The following ACSBG2 variants were observed in gnomAD, a reference collection of about 807,000 sequenced individuals.
The protein encoded by ACSBG2 is long-chain-fatty-acid--CoA ligase ACSBG2.
Under a neutral mutation model 74.7 loss-of-function variants are expected in ACSBG2, and 62 were observed. That is an observed-to-expected ratio of 0.83 (90% CI 0.68 to 1.03). The LOEUF is 1.03. Ranked by LOEUF, ACSBG2 falls within the 50% of genes least tolerant of loss-of-function variation. ACSBG2 has a pLI of 0.00. For missense variants in ACSBG2, 730 were observed against 817.6 expected, an observed-to-expected ratio of 0.89 and a Z score of 1.31; for synonymous variants, 309 against 294.1, an observed-to-expected ratio of 1.05 and a Z score of -0.52.
chr19:6,154,556 G>C (rs2089356172), intron 4 of ACSBG2, among the ~76,000 whole-genome samples: 1 of 150,412 alleles, frequency 6.6e-6, no homozygotes, highest in South Asian at 2.1e-4. Flanking sequence ...CTGTTGCCCA[G>C]GCTGCAGTGC....
In ACSBG2 at chr19:6,149,709, T is replaced by A. The variant is rs12979145; in HGVS notation, c.298-1998T>A. Among the ~76,000 whole-genome samples, 3 of 152,044 alleles carry A rather than the reference T, an allele frequency of 2.0e-5. No individual in the cohort carries two copies. In the East Asian group the frequency reaches 5.8e-4, roughly 29 times the overall value. On this transcript the variant is annotated intron_variant, in intron 3 of 14. Coordinates refer to ENST00000588485, the MANE Select transcript of ACSBG2 (RefSeq NM_030924.5). ...ATTTAGTAGAGACGGGGTTTCATCT[T>A]GTGGGCCAGGCTGGTCTCGAACTTC...
At chr19:6,189,470 C>T (rs893267330) in intron 13 of ACSBG2, among the ~76,000 whole-genome samples, 1 of 151,920 alleles carries the variant, frequency 6.6e-6, no homozygotes, top group African/African-American at 2.4e-5. Flanking sequence ...CAATGAACAA[C>T]CTGGGTTCAA....
chr19:6,156,787 T>G (rs866623668), intron 5 of ACSBG2, among the ~76,000 whole-genome samples: 6,002 of 113,602 alleles, frequency 0.053, 328 homozygotes, highest in African/African-American at 0.26. Context: ...TCAGCCTCCA[T>G]TTTTTTTTTT....
chr19:6,182,940 G>A lies in ACSBG2; in HGVS notation c.1088+8G>A, dbSNP rs775627451. The A allele has an allele frequency of 8.1e-6, 13 of 1,613,800 alleles. No homozygotes were observed. The highest frequency in any genetic ancestry group is 1.1e-5 in the South Asian group (1 of 91,050). On this transcript the variant is annotated splice_region_variant and intron_variant, in intron 9 of 14. Coordinates refer to ENST00000588485, the MANE Select transcript of ACSBG2 (RefSeq NM_030924.5). ...CTCAAAAAAGATGTTGGGGTAGGTG[G>A]AGCATCCAGAGGGCTGGGAGGGTAG...
intron 4 of ACSBG2, among the ~76,000 whole-genome samples, chr19:6,153,413 T>C (rs1020249487): frequency 2.6e-5 from 4 of 152,196 alleles, no homozygotes; most frequent in African/African-American, 4.8e-5. Context: ...CTGGGACCAA[T>C]AGAGGTTAAG....
chr19:6,183,254 AT>A lies in ACSBG2; in HGVS notation c.1305del (p.Asn435LysfsTer6), dbSNP rs769118076. On this transcript the variant is annotated frameshift_variant, in exon 10 of 15. Coordinates refer to ENST00000588485, the MANE Select transcript of ACSBG2 (RefSeq NM_030924.5). LOFTEE classifies it high-confidence loss of function. The stretch of plus-strand genomic sequence containing the variant: ...GGACCCCACACGATATCCAACCAGA[AT>A]AACTACAGGCTTCTAAGGTACCAGC... Reference protein sequence around the residue: ...SSGPHTISNQNNYRLLSCGKI... With the variant: ...SSGPHTISNQXNYRLLSCGKI... 1.1e-4 allele frequency: 185 copies of A among 1,614,038 alleles called. No homozygotes were observed. The highest frequency in any genetic ancestry group is 1.4e-4 in the Non-Finnish European group (167 of 1,180,032).
Position 6,187,644 on chromosome 19 carries a change from T to C in ACSBG2, c.1726T>C (p.Phe576Leu), listed in dbSNP as rs1441404763. 1.2e-6 allele frequency: 2 copies of C among 1,613,892 alleles called. No individual in the cohort carries two copies. The highest frequency in any genetic ancestry group is 2.7e-5 in the African/African-American group (2 of 74,868). ...CGGAGAACCTCTGGACAAGCTGAAC[T>C]TCGAGGCCATCAACTTCTGTCGGGG... ...MSGEPLDKLN[F>L]EAINFCRGLG... The change falls in exon 13 of 15, where the codon TTC (phenylalanine) becomes CTC (leucine). Residue 576 changes from phenylalanine (F) to leucine (L), a missense_variant. Transcript: ENST00000588485.
chr19:6,181,957 A>T (rs1337742065), intron 8 of ACSBG2, among the ~76,000 whole-genome samples: 1 of 152,052 alleles, frequency 6.6e-6, no homozygotes, highest in African/African-American at 2.4e-5. Context: ...TTATTACACT[A>T]GCTTGATAGC....
intron 4 of ACSBG2, 42 bp downstream of exon 4, chr19:6,151,837 G>A (rs372060418): frequency 2.6e-5 from 40 of 1,539,696 alleles, no homozygotes; most frequent in African/African-American, 1.6e-4. Flanking sequence ...TTAAGGAGCC[G>A]CTACCCTGGG....
intron 8 of ACSBG2, among the ~76,000 whole-genome samples, chr19:6,179,696 C>A (rs2145218722): frequency 6.6e-6 from 1 of 152,264 alleles, no homozygotes; most frequent in Non-Finnish European, 1.5e-5. Context: ...CAACTCACTG[C>A]AACCTCCACC....
chr19:6,138,138 T>C (rs1166369105), intron 1 of ACSBG2, among the ~76,000 whole-genome samples: 1 of 152,200 alleles, frequency 6.6e-6, no homozygotes, highest in African/African-American at 2.4e-5. Flanking sequence ...TGTTCTTTCA[T>C]GCATGAATCC....
Position 6,190,569 on chromosome 19 carries a change from C to T in ACSBG2, c.1928-15C>T. 6.2e-7 allele frequency: 1 copy of T among 1,611,310 alleles called. No homozygotes were observed. Among genetic ancestry groups the T allele is most frequent in the East Asian group, 2.2e-5 (1 of 44,858 alleles). On this transcript the variant is annotated splice_polypyrimidine_tract_variant and intron_variant, in intron 13 of 14. Transcript: ENST00000588485. ...TTTATCTCCACAACTCAATTGATTTCTCCTTTCTCGATAGGTCCAATGATG... is the reference window on the plus strand; with the variant it reads ...TTTATCTCCACAACTCAATTGATTTTTCCTTTCTCGATAGGTCCAATGATG...
intron 1 of ACSBG2, among the ~76,000 whole-genome samples, chr19:6,138,197 A>G (rs888763461): frequency 2.6e-5 from 4 of 152,120 alleles, no homozygotes; most frequent in Admixed American, 1.3e-4. Context: ...AGCAATTATC[A>G]TACTTTAAGG....
intron 5 of ACSBG2, among the ~76,000 whole-genome samples, chr19:6,157,023 T>C (rs1242140833): frequency 1.3e-5 from 2 of 151,952 alleles, no homozygotes; most frequent in African/African-American, 4.8e-5. Flanking sequence ...CTCGGCTCAC[T>C]GCAAGCTCTG....
Position 6,183,065 on chromosome 19 carries a change from G to T in ACSBG2, c.1115G>T (p.Arg372Leu), listed in dbSNP as rs372123644. 2 of 1,614,172 alleles carry T rather than the reference G, an allele frequency of 1.2e-6. No homozygotes were observed. The highest frequency in any genetic ancestry group is 8.5e-7 in the Non-Finnish European group (1 of 1,180,016). Residue 372 changes from arginine to leucine, a missense_variant, in exon 10 of 15, where the codon CGC becomes CTC. Arg to Leu is a moderately radical substitution (Grantham distance 102). Coordinates refer to ENST00000588485, the MANE Select transcript of ACSBG2 (RefSeq NM_030924.5). ...AAATATAATACTCCCGTGAGCTACC[G>T]CATGGCTAAGACTCTCGTGTTCAGC... ...LGKYNTPVSY[R>L]MAKTLVFSKV...
chr19:6,190,648 G>A lies in ACSBG2; in HGVS notation c.1992G>A (p.Met664Ile). 1 of 1,613,942 alleles carries A rather than the reference G, an allele frequency of 6.2e-7. No individual in the cohort carries two copies. The change falls in exon 14 of 15, where the codon ATG becomes ATA. Residue 664 changes from methionine to isoleucine, a missense_variant. Met to Ile is a conservative substitution (Grantham distance 10). Transcript: ENST00000588485. The stretch of plus-strand genomic sequence containing the variant: ...AATACAAAAAACAAATTGATCACAT[G>A]TACCACTGACTGCTTTGATGGAGCT... ...AQKYKKQIDH[M>I]YH
chr19:6,190,800 T>TACAC (rs2090540856), intron 14 of ACSBG2, 108 bp downstream of exon 14: 4 of 242,024 alleles, frequency 1.7e-5, no homozygotes, highest in African/African-American at 1.3e-4. Context: ...AACACACACA[T>TACAC]ACACACATAC....
chr19:6,182,743 C>G lies in ACSBG2; in HGVS notation c.907-8C>G. 6.2e-7 allele frequency: 1 copy of G among 1,613,006 alleles called. No individual in the cohort carries two copies. The highest frequency in any genetic ancestry group is 8.5e-7 in the Non-Finnish European group (1 of 1,179,388). On this transcript the variant is annotated splice_polypyrimidine_tract_variant and splice_region_variant and intron_variant, in intron 8 of 14. Transcript: ENST00000588485. The stretch of plus-strand genomic sequence containing the variant: ...CTGCTGTGGCTAACCTAGCTTCGTT[C>G]CATACAGGGCACCTTGGTAAGTACT...
chr19:6,137,682 C>T (rs1361934107), intron 1 of ACSBG2, among the ~76,000 whole-genome samples: 1 of 152,054 alleles, frequency 6.6e-6, no homozygotes, highest in African/African-American at 2.4e-5. Context: ...GAGTTTCACT[C>T]TTATCTCCCA....
Sources: allele counts gnomAD v4.1 joint callset (sites outside exome capture counted in the v4.1 genomes callset), GRCh38; gene constraint gnomAD v4.1.1; transcripts MANE v1.5; gene names NCBI Gene and HGNC (gene_info 2026-07-23, HGNC 2026-07-21).